LY6S: variants seen among roughly 807,000 people sequenced by gnomAD.
LY6S encodes the protein lymphocyte antigen 6 family member S.
the LY6S span, chr8:143,057,715 C>T: frequency 1.0e-5 from 8 of 798,330 alleles, no homozygotes; most frequent in Non-Finnish European, 1.8e-5. Flanking sequence ...GTTTAATGAC[C>T]TCAAAGGGCA....
the LY6S span, chr8:143,044,699 C>G: frequency 7.3e-7 from 1 of 1,367,626 alleles, no homozygotes; most frequent in Non-Finnish European, 9.8e-7. Context: ...AAGACGCTCA[C>G]TTTCTGGGAG....
the LY6S span, among the ~76,000 whole-genome samples, chr8:143,050,094 G>C: frequency 6.6e-6 from 1 of 152,114 alleles, no homozygotes; most frequent in East Asian, 1.9e-4. Flanking sequence ...AAAGCAGCTG[G>C]ACTCTGCGCC....
chr8:143,063,292 A>T, the LY6S span, among the ~76,000 whole-genome samples: 2 of 152,206 alleles, frequency 1.3e-5, no homozygotes, highest in Admixed American at 1.3e-4. Context: ...CAAAGCCCTA[A>T]ATCCATTTCA....
At chr8:143,067,078 G>A in the LY6S span, among the ~76,000 whole-genome samples, 5 of 152,138 alleles carry the variant, frequency 3.3e-5, no homozygotes, top group Admixed American at 1.3e-4. Context: ...GTGAGTTCTC[G>A]CTCTGAGTTC....
chr8:143,045,571 A>C, the LY6S span, among the ~76,000 whole-genome samples: 1 of 148,144 alleles, frequency 6.8e-6, no homozygotes, highest in African/African-American at 2.5e-5. The surrounding 1 kb of genome is among the most constrained non-coding windows in gnomAD (Gnocchi z 5.3). Context: ...TGCAATTCTC[A>C]CCCAGAGCCC....
the LY6S span, among the ~76,000 whole-genome samples, chr8:143,072,691 C>T: frequency 4.8e-3 from 213 of 44,428 alleles, no homozygotes; most frequent in Middle Eastern, 0.017. Flanking sequence ...TCCCCGGGGT[C>T]CCTGTTTGAG....
chr8:143,073,141 G>C, the LY6S span, among the ~76,000 whole-genome samples: 1 of 141,324 alleles, frequency 7.1e-6, no homozygotes, highest in African/African-American at 2.9e-5. Context: ...GTTCCTGTTT[G>C]AGGAGACAGC....
At chr8:143,043,127 C>G in the LY6S span, 8 of 1,366,600 alleles carry the variant, frequency 5.9e-6, no homozygotes, top group African/African-American at 1.2e-4. Context: ...GCCCTCACAG[C>G]AGGGCCCAGA....
At chr8:143,042,346 G>A in the LY6S span, 3 of 152,576 alleles carry the variant, frequency 2.0e-5, no homozygotes, top group African/African-American at 7.2e-5. Flanking sequence ...ATGGCTGGTG[G>A]CCGCAGGAGC....
the LY6S span, among the ~76,000 whole-genome samples, chr8:143,068,951 C>A: frequency 6.6e-6 from 1 of 152,102 alleles, no homozygotes; most frequent in African/African-American, 2.4e-5. Context: ...CCCAGGGGGA[C>A]CCCAAGGGTC....
the LY6S span, among the ~76,000 whole-genome samples, chr8:143,065,746 C>T: frequency 5.7e-3 from 620 of 108,438 alleles, 6 homozygotes; most frequent in African/African-American, 0.024. Context: ...CTTTCTTTCT[C>T]TTTCTTTCTT....
At chr8:143,070,481 ATATATATAT>A in the LY6S span, among the ~76,000 whole-genome samples, 53 of 85,412 alleles carry the variant, frequency 6.2e-4, 4 homozygotes, top group South Asian at 7.5e-3. Context: ...ATATAAATAT[ATATATATAT>A]TTTTTTTTTT....
the LY6S span, chr8:143,049,432 T>C: frequency 2.6e-6 from 1 of 384,858 alleles, no homozygotes; most frequent in East Asian, 7.3e-5. Context: ...TCCAGAGGAA[T>C]CAGGGACAAT....
At chr8:143,070,433 TTATATATATATTG>T in the LY6S span, among the ~76,000 whole-genome samples, 4 of 94,842 alleles carry the variant, frequency 4.2e-5, no homozygotes, top group Non-Finnish European at 7.2e-5. Flanking sequence ...TATATATATA[TTATATATATATTG>T]TATATATATA....
At chr8:143,065,391 C>T in the LY6S span, among the ~76,000 whole-genome samples, 4 of 152,150 alleles carry the variant, frequency 2.6e-5, no homozygotes, top group South Asian at 2.1e-4. Context: ...TCAGCATCCT[C>T]GTTATGCAGC....
chr8:143,064,199 T>A, the LY6S span, among the ~76,000 whole-genome samples: 1 of 152,222 alleles, frequency 6.6e-6, no homozygotes, highest in Non-Finnish European at 1.5e-5. Context: ...TTACCAGTAG[T>A]TCATAGTTAG....
chr8:143,049,681 G>A, the LY6S span, among the ~76,000 whole-genome samples: 2 of 152,214 alleles, frequency 1.3e-5, no homozygotes, highest in Non-Finnish European at 2.9e-5. Context: ...AGAGTCTCCT[G>A]TGGAATCTAA....
At chr8:143,056,810 T>C in the LY6S span, among the ~76,000 whole-genome samples, 20 of 152,240 alleles carry the variant, frequency 1.3e-4, no homozygotes, top group Non-Finnish European at 2.2e-4. Flanking sequence ...TAACAGATGT[T>C]TTAAAAGTTC....
the LY6S span, among the ~76,000 whole-genome samples, chr8:143,055,686 C>T: frequency 3.3e-5 from 5 of 152,104 alleles, no homozygotes; most frequent in African/African-American, 9.7e-5. Context: ...CTTGTACGAG[C>T]GCTTGTTTCA....
Sources: gnomAD v4.1 joint callset for allele counts (sites outside exome capture counted in the v4.1 genomes callset) on GRCh38, gnomAD v4.1.1 for gene constraint, Gnocchi (gnomAD v3.1) non-coding constraint, MANE v1.5 for transcripts, NCBI Gene and HGNC (gene_info 2026-07-23, HGNC 2026-07-21) for gene names.